Variants in OMA1 observed in about 807,000 individuals in gnomAD.
The protein encoded by OMA1 is metalloendopeptidase OMA1, mitochondrial.
OMA1 carries 38 observed loss-of-function variants against 30.9 expected under a neutral mutation model. That is an observed-to-expected ratio of 1.23 (90% CI 0.95 to 1.61). The LOEUF (loss-of-function observed/expected upper bound fraction) is 1.61. Ranked by LOEUF, OMA1 falls within the 40% of genes most tolerant of loss-of-function variation. The pLI is 0.00. For synonymous variants in OMA1, 173 were observed against 121.9 expected (o/e 1.42, Z -2.76); for missense variants, 461 against 349.2 (o/e 1.32, Z -2.55).
At position 58,539,177 on chromosome 1, in the gene OMA1, G is replaced by C; in HGVS notation, c.118C>G (p.Gln40Glu). ...TTTACTATATGGTTAACTTGTACTT[G>C]ATGACAGCCCCGTGAGGTGGATGCT... Reference protein sequence around the residue: ...TLASTSRGCHQVQVNHIVNKY... With the variant: ...TLASTSRGCHEVQVNHIVNKY... The change falls in exon 2 of 9, where the codon CAA becomes GAA. Residue 40 changes from glutamine (Q) to glutamate (E), a missense_variant. Coordinates refer to ENST00000371226, the MANE Select transcript of OMA1 (RefSeq NM_145243.5). 1 of 872,926 alleles carries C rather than the reference G, an allele frequency of 1.1e-6. No individual in the cohort carries two copies. Among genetic ancestry groups the C allele is most frequent in the Non-Finnish European group, 2.0e-6 (1 of 501,662 alleles). 54.1% of individuals were successfully genotyped at this position (872,926 alleles called of 1,614,324 possible). A position where few individuals can be genotyped will look rare whatever the true frequency, so the allele number is the denominator to read the frequency against.
chr1:58,538,649 TG>T (rs1291770559), intron 2 of OMA1, 145 bp downstream of exon 2: 2 of 486,820 alleles, frequency 4.1e-6, no homozygotes, highest in South Asian at 4.4e-5. Context: ...TTGAGCTAAA[TG>T]GGGGGAGACA....
chr1:58,537,740 C>A (rs376933067), intron 2 of OMA1, among the ~76,000 whole-genome samples: 9 of 152,158 alleles, frequency 5.9e-5, no homozygotes, highest in African/African-American at 2.2e-4. Flanking sequence ...TGCCTTTACA[C>A]AAAGTGTGTC....
intron 7 of OMA1, among the ~76,000 whole-genome samples, chr1:58,507,792 A>T (rs10889098): frequency 0.19 from 29,551 of 152,044 alleles, 2,934 homozygotes; most frequent in Middle Eastern, 0.24. Context: ...CCTCAATAAT[A>T]GGTAATCACA....
At chr1:58,489,133 G>A (rs2100368435) in intron 8 of OMA1, among the ~76,000 whole-genome samples, 1 of 152,320 alleles carries the variant, frequency 6.6e-6, no homozygotes, top group Admixed American at 6.5e-5. Context: ...GTGAGCCGAA[G>A]TAGGGCAAGG....
intron 1 of OMA1, among the ~76,000 whole-genome samples, chr1:58,541,292 T>A (rs1176445269): frequency 1.2e-4 from 2 of 16,236 alleles, no homozygotes; most frequent in African/African-American, 2.8e-4. Flanking sequence ...AGACTCTGTC[T>A]CAAAAAAAAA....
intron 8 of OMA1, among the ~76,000 whole-genome samples, chr1:58,494,923 A>G (rs1178254304): frequency 6.6e-6 from 1 of 152,228 alleles, no homozygotes; most frequent in African/African-American, 2.4e-5. Context: ...TACTGGGTAT[A>G]TACCTAAAGG....
At chr1:58,544,109 G>A (rs1198877405) in intron 1 of OMA1, among the ~76,000 whole-genome samples, 1 of 152,182 alleles carries the variant, frequency 6.6e-6, no homozygotes, top group Non-Finnish European at 1.5e-5. Flanking sequence ...TGAACTTGCT[G>A]TGGCCAAATG....
At position 58,538,944 on chromosome 1, in the gene OMA1, A is replaced by G. The variant is rs1281144432; in HGVS notation, c.351T>C (p.Pro117=). 2 of 872,928 alleles carry G rather than the reference A, an allele frequency of 2.3e-6. No homozygotes were observed. The highest frequency in any genetic ancestry group is 2.0e-6 in the Non-Finnish European group (1 of 501,630). 54.1% of individuals were successfully genotyped at this position (872,928 alleles called of 1,614,324 possible). A position where few individuals can be genotyped will look rare whatever the true frequency, so the allele number is the denominator to read the frequency against. Residue 117 remains proline, a synonymous_variant, in exon 2 of 9, where the codon CCT becomes CCC. Transcript: ENST00000371226. The part of the protein sequence containing the change: ...QLLIKEVTAV[P]SLSVLHPLSP... ...TTAGAGGATGCAATACTGACAGACT[A>G]GGGACTGCTGTAACTTCTTTTATTA...
intron 6 of OMA1, among the ~76,000 whole-genome samples, chr1:58,528,683 G>A (rs1646388036): frequency 6.6e-6 from 1 of 152,194 alleles, no homozygotes; most frequent in Non-Finnish European, 1.5e-5. Flanking sequence ...TGCTGAGATT[G>A]AGAAATCCTG....
intron 8 of OMA1, among the ~76,000 whole-genome samples, chr1:58,493,626 GACAA>G (rs1483874639): frequency 1.3e-5 from 2 of 151,408 alleles, no homozygotes; most frequent in Non-Finnish European, 2.9e-5. Context: ...ACCAATAACA[GACAA>G]ACAGAGAGCC....
Position 58,534,250 on chromosome 1 carries a change from T to C in OMA1, c.811A>G (p.Ile271Val), listed in dbSNP as rs369601651. ...CCTGGAACATCTTTATTGCATTCAATTAGATGACAAAGCACTTCTTTAACA... is the reference window on the plus strand; with the variant it reads ...CCTGGAACATCTTTATTGCATTCAACTAGATGACAAAGCACTTCTTTAACA... ...LAVKEVLCHL[I>V]ECNKDVPGIS... Residue 271 changes from isoleucine (I) to valine (V), a missense_variant, in exon 4 of 9, where the codon ATT (isoleucine) becomes GTT (valine). Transcript: ENST00000371226. 1 of 871,842 alleles carries C rather than the reference T, an allele frequency of 1.1e-6. No individual in the cohort carries two copies. Among genetic ancestry groups the C allele is most frequent in the Non-Finnish European group, 2.0e-6 (1 of 501,466 alleles). The allele number at this position is 871,842 out of a possible 1,614,324, so 54.0% of individuals were successfully genotyped here. A position where few individuals can be genotyped will look rare whatever the true frequency, so the allele number is the denominator to read the frequency against.
intron 8 of OMA1, among the ~76,000 whole-genome samples, chr1:58,489,583 A>T (rs1347867576): frequency 6.6e-6 from 1 of 152,224 alleles, no homozygotes; most frequent in Non-Finnish European, 1.5e-5. Context: ...CTGACAGCTT[A>T]GAAGAGAGTA....
chr1:58,545,725 G>C (rs1313402631), intron 1 of OMA1, among the ~76,000 whole-genome samples: 1 of 152,178 alleles, frequency 6.6e-6, no homozygotes, highest in Non-Finnish European at 1.5e-5. Context: ...CTGAAGCCTG[G>C]AAGACAGTTT....
intron 5 of OMA1, among the ~76,000 whole-genome samples, chr1:58,532,136 C>T (rs1346601217): frequency 1.3e-5 from 2 of 152,114 alleles, no homozygotes; most frequent in Non-Finnish European, 2.9e-5. Flanking sequence ...AATACACACA[C>T]AAAAACCTGT....
In OMA1 at chr1:58,496,169, C is replaced by CTTTTTTTTTTTTTTTTTTTTT. The variant is rs375006213; in HGVS notation, c.1365+9890_1365+9891insAAAAAAAAAAAAAAAAAAAAA. On this transcript the variant is annotated intron_variant, in intron 8 of 8. Coordinates refer to ENST00000371226, the MANE Select transcript of OMA1 (RefSeq NM_145243.5). ...TTCAATATTCTTTCATTTTTTTAGACTTTTTTTTTTTGGCTTTGGGCATTT... is the reference window on the plus strand; with the variant it reads ...TTCAATATTCTTTCATTTTTTTAGACTTTTTTTTTTTTTTTTTTTTTTTTTTTTTTTTGGCTTTGGGCATTT... 2.1e-5 allele frequency among the ~76,000 whole-genome samples: 3 copies of CTTTTTTTTTTTTTTTTTTTTT among 144,966 alleles called. No individual in the cohort carries two copies. The East Asian group carries it at 6.4e-4, about 31-fold the overall frequency.
intron 7 of OMA1, among the ~76,000 whole-genome samples, chr1:58,522,694 A>C (rs1178092102): frequency 2.0e-5 from 3 of 152,250 alleles, no homozygotes; most frequent in Non-Finnish European, 4.4e-5. Context: ...CCTACTGTTG[A>C]CCTTGCCAGT....
chr1:58,542,604 T>A (rs1646639380), intron 1 of OMA1: 1 of 152,172 alleles, frequency 6.6e-6, no homozygotes, highest in Admixed American at 6.5e-5. Flanking sequence ...CTGTTTTAAA[T>A]GGGAAAGTGT....
At chr1:58,525,601 G>A (rs959627452) in intron 7 of OMA1, among the ~76,000 whole-genome samples, 1 of 152,008 alleles carries the variant, frequency 6.6e-6, no homozygotes, top group South Asian at 2.1e-4. Flanking sequence ...CATATTTATG[G>A]ATGGGAAGAA....
At chr1:58,513,654 A>G (rs1226708549) in intron 7 of OMA1, among the ~76,000 whole-genome samples, 1 of 152,228 alleles carries the variant, frequency 6.6e-6, no homozygotes, top group African/African-American at 2.4e-5. Flanking sequence ...AGGTTTTAGA[A>G]TCAGAAATAT....
Sources: allele counts gnomAD v4.1 joint callset (sites outside exome capture counted in the v4.1 genomes callset), GRCh38; gene constraint gnomAD v4.1.1; transcripts MANE v1.5; gene names NCBI Gene and HGNC (gene_info 2026-07-23, HGNC 2026-07-21).